Variants in SDK1 observed in about 807,000 individuals in gnomAD.
SDK1 encodes the protein protein sidekick-1.
In SDK1, 157 loss-of-function variants were observed where a neutral mutation model predicts 245.5. That is an observed-to-expected ratio of 0.64 (90% CI 0.56 to 0.73). SDK1 has a LOEUF of 0.73. Among genes scored for constraint, SDK1 ranks in the 30% least tolerant of loss-of-function variants. The pLI is 0.00. For missense variants in SDK1, 3,583 were observed against 3,002.3 expected, an observed-to-expected ratio of 1.19 and a Z score of -4.52; for synonymous variants, 1,647 against 1,278.5, an observed-to-expected ratio of 1.29 and a Z score of -6.15.
chr7:4,185,217 G>C (rs1221342019), intron 35 of SDK1, among the ~76,000 whole-genome samples: 2 of 152,190 alleles, frequency 1.3e-5, no homozygotes, highest in African/African-American at 4.8e-5. Flanking sequence ...AGTTTGACTA[G>C]GTGGCCAGAA....
At chr7:3,635,399 C>T (rs1377140680) in intron 2 of SDK1, among the ~76,000 whole-genome samples, 2 of 152,094 alleles carry the variant, frequency 1.3e-5, no homozygotes, top group African/African-American at 4.8e-5. Flanking sequence ...ATGTTTTAGT[C>T]GCTTAAAATT....
At position 4,132,267 on chromosome 7, in the gene SDK1, G is replaced by A. The variant is rs1378650692; in HGVS notation, c.4130-58G>A. The A allele has an allele frequency of 2.9e-6, 4 of 1,372,298 alleles. No homozygotes were observed. In the African/African-American group the frequency reaches 4.3e-5, roughly 15 times the overall value. The allele number at this position is 1,372,298 out of a possible 1,614,324, so 85.0% of individuals were successfully genotyped here. A position where few individuals can be genotyped will look rare whatever the true frequency, so the allele number is the denominator to read the frequency against. On this transcript the variant is annotated intron_variant, in intron 27 of 44. Transcript: ENST00000404826. ...TGACCCTCGGAATCCTGTGTAACCT[G>A]TCACGCACCCAAGGAACACTGTCTT...
intron 4 of SDK1, among the ~76,000 whole-genome samples, chr7:3,735,000 G>A (rs1273451576): frequency 6.6e-6 from 1 of 151,926 alleles, no homozygotes; most frequent in African/African-American, 2.4e-5. Context: ...TCTCCCCATG[G>A]GTCAGTTAAG....
chr7:3,986,472 T>TA (rs1478307215), intron 13 of SDK1, among the ~76,000 whole-genome samples: 6 of 152,254 alleles, frequency 3.9e-5, no homozygotes, highest in Admixed American at 2.0e-4. Flanking sequence ...ACATTCCCGT[T>TA]ACATGTATCG....
chr7:4,190,036 A>C (rs1469577719), intron 35 of SDK1, among the ~76,000 whole-genome samples: 1 of 152,190 alleles, frequency 6.6e-6, no homozygotes, highest in Non-Finnish European at 1.5e-5. Flanking sequence ...CCCGCTAGTG[A>C]CAAATAAAGC....
chr7:3,836,972 G>A (rs1043364721), intron 5 of SDK1, among the ~76,000 whole-genome samples: 1 of 152,168 alleles, frequency 6.6e-6, no homozygotes, highest in African/African-American at 2.4e-5. Flanking sequence ...CATTGGGGGT[G>A]CAGGAAGGGA....
At position 3,633,559 on chromosome 7, in the gene SDK1, T is replaced by C. The variant is rs146294629; in HGVS notation, c.459-5445T>C. 1.6e-3 allele frequency among the ~76,000 whole-genome samples: 240 copies of C among 152,316 alleles called. 2 individuals carry two copies. Among genetic ancestry groups the C allele is most frequent in the African/African-American group, 5.7e-3 (235 of 41,568 alleles). ...TTTAAGGGGATTCTTTATCTTCCCA[T>C]GATTTTTAGTGGTTTACCAAGAGCC... On this transcript the variant is annotated intron_variant, in intron 2 of 44. Coordinates refer to ENST00000404826, the MANE Select transcript of SDK1 (RefSeq NM_152744.4).
At chr7:3,849,519 C>A (rs1376679112) in intron 5 of SDK1, among the ~76,000 whole-genome samples, 2 of 152,140 alleles carry the variant, frequency 1.3e-5, no homozygotes, top group Non-Finnish European at 2.9e-5. Context: ...ATTTGTTTAA[C>A]CACTTCAGTA....
intron 4 of SDK1, among the ~76,000 whole-genome samples, chr7:3,798,182 G>A (rs1425859404): frequency 7.1e-6 from 1 of 140,980 alleles, no homozygotes; most frequent in Non-Finnish European, 1.5e-5. Flanking sequence ...TCTCCAATCT[G>A]TGACCTTGTC....
chr7:4,102,689 T>C (rs966226923), intron 22 of SDK1, among the ~76,000 whole-genome samples: 1 of 152,030 alleles, frequency 6.6e-6, no homozygotes, highest in Non-Finnish European at 1.5e-5. Flanking sequence ...TGCCCACCAG[T>C]TTCCACCAGT....
intron 1 of SDK1, among the ~76,000 whole-genome samples, chr7:3,321,090 G>T (rs1444246634): frequency 1.3e-5 from 2 of 152,118 alleles, no homozygotes; most frequent in Non-Finnish European, 2.9e-5. Context: ...AGATATTTCA[G>T]GGCTTATCAA....
chr7:3,802,914 A>G (rs889612448), intron 4 of SDK1, among the ~76,000 whole-genome samples: 1 of 152,250 alleles, frequency 6.6e-6, no homozygotes, highest in Admixed American at 6.5e-5. Flanking sequence ...GTTGTTACAA[A>G]TAAAGCTGCT....
chr7:4,049,504 G>T (rs1447171450), intron 18 of SDK1, 41 bp downstream of exon 18: 2 of 1,493,750 alleles, frequency 1.3e-6, no homozygotes, highest in Admixed American at 3.4e-5. Context: ...AGCTGTCATT[G>T]TCTGGAGCCA....
chr7:3,784,578 G>A (rs1035588581), intron 4 of SDK1, among the ~76,000 whole-genome samples: 1 of 152,046 alleles, frequency 6.6e-6, no homozygotes, highest in African/African-American at 2.4e-5. Flanking sequence ...CTCAAAAGAA[G>A]ACATACAAAT....
At chr7:4,147,269 T>G (rs998938687) in intron 29 of SDK1, among the ~76,000 whole-genome samples, 1 of 152,094 alleles carries the variant, frequency 6.6e-6, no homozygotes, top group African/African-American at 2.4e-5. Context: ...CAGCCTGGAA[T>G]GCCTGGGCTC....
intron 19 of SDK1, among the ~76,000 whole-genome samples, chr7:4,059,886 T>A (rs965654888): frequency 4.0e-5 from 6 of 151,488 alleles, no homozygotes. Context: ...AATTTCTTTT[T>A]TTTTTTTTTT....
At chr7:3,712,372 C>T (rs992988430) in intron 4 of SDK1, among the ~76,000 whole-genome samples, 3 of 152,168 alleles carry the variant, frequency 2.0e-5, no homozygotes, top group African/African-American at 7.2e-5. Context: ...CCAGATGGGA[C>T]TGTCTAGTTG....
At chr7:3,784,673 C>CA (rs1330152330) in intron 4 of SDK1, among the ~76,000 whole-genome samples, 2 of 152,186 alleles carry the variant, frequency 1.3e-5, no homozygotes, top group Admixed American at 6.5e-5. Context: ...CTACATCTCA[C>CA]ACCTGTCAGA....
rs77018306 is a variant in SDK1 at position 4,203,894 on chromosome 7, C to T, written c.5099-1985C>T. On this transcript the variant is annotated intron_variant, in intron 35 of 44. Transcript: ENST00000404826. Reference sequence around the variant, plus strand: ...CTTGCTGTAGCATTGCTGGTAGGCACGGCAGTGCGGCTCAGCTGCCTGAGA... The same window carrying T: ...CTTGCTGTAGCATTGCTGGTAGGCATGGCAGTGCGGCTCAGCTGCCTGAGA... 7.4e-3 allele frequency among the ~76,000 whole-genome samples: 1,135 copies of T among 152,384 alleles called. 10 individuals are homozygous for T. Among genetic ancestry groups the T allele is most frequent in the Middle Eastern group, 0.027 (8 of 294 alleles).
Sources: allele counts gnomAD v4.1 joint callset (sites outside exome capture counted in the v4.1 genomes callset), GRCh38; gene constraint gnomAD v4.1.1; transcripts MANE v1.5; gene names NCBI Gene and HGNC (gene_info 2026-07-23, HGNC 2026-07-21).